The following USH1C variants were observed in gnomAD, a reference collection of about 807,000 sequenced individuals.
The protein encoded by USH1C is USH1 protein network component harmonin.
Under a neutral mutation model 119.3 loss-of-function variants are expected in USH1C, and 90 were observed. The ratio of observed to expected loss-of-function variants is 0.75; its 90% confidence interval spans 0.64 to 0.90. USH1C has a LOEUF of 0.90. Among genes scored for constraint, USH1C ranks in the 40% least tolerant of loss-of-function variants. The pLI, the probability that USH1C is intolerant of heterozygous loss-of-function variation, is 0.00. For synonymous variants in USH1C, 465 were observed against 443.3 expected (o/e 1.05, Z -0.62); for missense variants, 1,165 against 1,167.7 (o/e 1.00, Z 0.03).
At chr11:17,501,220 G>A (rs1849430729) in intron 22 of USH1C, 70 bp from the exon 23 acceptor site, 1 of 1,307,092 alleles carries the variant, frequency 7.7e-7, no homozygotes, top group Non-Finnish European at 1.1e-6. Flanking sequence ...GCACCAAGGA[G>A]TCTCTTGACA....
At position 17,544,266 on chromosome 11, in the gene USH1C, T is replaced by A. The variant is rs1387444089; in HGVS notation, c.36+6A>T. On this transcript the variant is annotated splice_donor_region_variant and intron_variant, in intron 1 of 26. Coordinates refer to ENST00000005226, the MANE Select transcript of USH1C (RefSeq NM_153676.4). ...CCAGAAGCCTGGGGCGCCCTGCAGC[T>A]CTGACCTTATGCCGGAATTCTCGGG... 1 of 1,613,968 alleles carries A rather than the reference T, an allele frequency of 6.2e-7. No individual in the cohort carries two copies.
chr11:17,494,346 G>T lies in USH1C; in HGVS notation c.2686C>A (p.Gln896Lys). 2 of 1,607,558 alleles carry T rather than the reference G, an allele frequency of 1.2e-6. No individual in the cohort carries two copies. The highest frequency in any genetic ancestry group is 1.7e-4 in the Middle Eastern group (1 of 6,026). ...CTCACTGTTTCCTAACGGTGAATTT[G>T]GTTTCCCCTTTTGGACTTCAGAAGA... ...DLLLKSKRGN[Q>K]IHR Residue 896 changes from glutamine to lysine, a missense_variant, in exon 27 of 27, where the codon CAA becomes AAA. Physicochemically the swap from Gln to Lys is moderately conservative, Grantham distance 53. Transcript: ENST00000005226.
intron 4 of USH1C, among the ~76,000 whole-genome samples, chr11:17,528,074 G>A (rs975403124): frequency 5.3e-5 from 8 of 152,146 alleles, no homozygotes; most frequent in African/African-American, 1.9e-4. Context: ...TGTTTTCCTC[G>A]TCTGTAAAAT....
chr11:17,494,048 A>T lies in USH1C; in HGVS notation c.*284T>A. On this transcript the variant is annotated 3_prime_UTR_variant, in exon 27 of 27. Transcript: ENST00000005226. ...AGGGTTCAAGGAAGGAGTCCCCCAG[A>T]GCTGGGAGAGACCAAATTCACTGGG... 2.0e-6 allele frequency: 1 copy of T among 508,582 alleles called. No homozygotes were observed. Among genetic ancestry groups the T allele is most frequent in the Non-Finnish European group, 3.6e-6 (1 of 279,400 alleles). 31.5% of individuals were successfully genotyped at this position (508,582 alleles called of 1,614,324 possible). A position where few individuals can be genotyped will look rare whatever the true frequency, so the allele number is the denominator to read the frequency against.
intron 11 of USH1C, 133 bp downstream of exon 11, chr11:17,523,078 A>G (rs1054583551): frequency 1.3e-6 from 2 of 1,575,094 alleles, no homozygotes; most frequent in Admixed American, 1.7e-5. Flanking sequence ...GCTGGGCAGA[A>G]GTCCTCTCGC....
At chr11:17,519,138 C>A (rs1370405775) in intron 14 of USH1C, among the ~76,000 whole-genome samples, 2 of 152,170 alleles carry the variant, frequency 1.3e-5, no homozygotes, top group Non-Finnish European at 1.5e-5. Context: ...TGGCTGGGGC[C>A]CAGGCCTGCT....
chr11:17,501,821 T>G (rs905630791), intron 21 of USH1C, 118 bp downstream of exon 21: 1 of 1,212,284 alleles, frequency 8.2e-7, no homozygotes, highest in African/African-American at 1.5e-5. Context: ...GGGGCTCCTC[T>G]GTGCCCCACC....
At chr11:17,516,102 G>T in intron 15 of USH1C, 139 bp downstream of exon 15, 3 of 938,484 alleles carry the variant, frequency 3.2e-6, no homozygotes, top group Admixed American at 4.0e-5. Context: ...CTGACACAAA[G>T]ATGGAGATGG....
At chr11:17,506,040 C>T (rs1164056646) in intron 18 of USH1C, 91 bp from the exon 19 acceptor site, 3 of 1,584,918 alleles carry the variant, frequency 1.9e-6, no homozygotes, top group Non-Finnish European at 1.7e-6. Flanking sequence ...CAAATCTACA[C>T]CCATGCATAT....
chr11:17,506,690 C>T (rs1252607693), intron 18 of USH1C, among the ~76,000 whole-genome samples: 1 of 152,232 alleles, frequency 6.6e-6, no homozygotes, highest in Non-Finnish European at 1.5e-5. Context: ...CGTGCTCTTC[C>T]TTCTTCCGCT....
rs762967319 is a variant in USH1C at position 17,526,454 on chromosome 11, T to G, written c.580-13A>C. ...TGCCTCGCACGCCCTGAAAGAGAGA[T>G]AGAAGCAGAATCACGGAGTGTCCAC... On this transcript the variant is annotated splice_polypyrimidine_tract_variant and intron_variant, in intron 7 of 26. Coordinates refer to ENST00000005226, the MANE Select transcript of USH1C (RefSeq NM_153676.4). 2 of 1,612,392 alleles carry G rather than the reference T, an allele frequency of 1.2e-6. No homozygotes were observed. The highest frequency in any genetic ancestry group is 1.7e-6 in the Non-Finnish European group (2 of 1,178,770).
intron 13 of USH1C, 63 bp from the exon 14 acceptor site, chr11:17,521,057 A>G: frequency 1.2e-6 from 2 of 1,606,826 alleles, no homozygotes; most frequent in South Asian, 1.1e-5. Flanking sequence ...TCTCCTGCAT[A>G]TCGGAGAGCC....
At chr11:17,500,655 C>T (rs963681629) in intron 23 of USH1C, among the ~76,000 whole-genome samples, 3 of 152,156 alleles carry the variant, frequency 2.0e-5, no homozygotes, top group African/African-American at 4.8e-5. Context: ...GCTCAGGGTT[C>T]GCCCCTCTGA....
chr11:17,500,729 T>C (rs1251085410), intron 23 of USH1C, among the ~76,000 whole-genome samples: 1 of 152,134 alleles, frequency 6.6e-6, no homozygotes, highest in Non-Finnish European at 1.5e-5. Flanking sequence ...TCCCATGGCT[T>C]CCCTCCACTC....
At chr11:17,510,346 C>G in intron 17 of USH1C, 59 bp downstream of exon 17, 1 of 1,421,846 alleles carries the variant, frequency 7.0e-7, no homozygotes, top group South Asian at 1.2e-5. Flanking sequence ...CCGCTGTCCC[C>G]ACAGTGGGTC....
chr11:17,537,347 C>T (rs577375300), intron 1 of USH1C, among the ~76,000 whole-genome samples: 11 of 152,306 alleles, frequency 7.2e-5, no homozygotes, highest in South Asian at 4.2e-4. Context: ...GCACTAGGCA[C>T]GCAGTAAATC....
chr11:17,531,575 C>T lies in USH1C; in HGVS notation c.105-33G>A, dbSNP rs764973502. ...GATGCCGGGAATGCCTGGAGCCTCA[C>T]CCCTGGCCATGACCTCAGGCACCCA... On this transcript the variant is annotated intron_variant, in intron 2 of 26. Coordinates refer to ENST00000005226, the MANE Select transcript of USH1C (RefSeq NM_153676.4). This position sits in a 1 kb window ranked among gnomAD's most constrained non-coding sequence, Gnocchi z 4.2. The T allele has an allele frequency of 6.2e-7, 1 of 1,610,124 alleles. No homozygotes were observed. Among genetic ancestry groups the T allele is most frequent in the Non-Finnish European group, 8.5e-7 (1 of 1,179,776 alleles).
intron 1 of USH1C, among the ~76,000 whole-genome samples, chr11:17,541,003 T>C (rs927955882): frequency 6.6e-6 from 1 of 152,208 alleles, no homozygotes; most frequent in Non-Finnish European, 1.5e-5. Flanking sequence ...ACTGTCCTAC[T>C]TGCTGTTCCA....
intron 1 of USH1C, among the ~76,000 whole-genome samples, chr11:17,538,609 C>T (rs912819960): frequency 1.3e-5 from 2 of 152,180 alleles, no homozygotes; most frequent in Non-Finnish European, 2.9e-5. Context: ...ATGCCTGGGA[C>T]ATTTCAAGGT....
Sources: gnomAD v4.1 joint callset for allele counts (sites outside exome capture counted in the v4.1 genomes callset) on GRCh38, gnomAD v4.1.1 for gene constraint, Gnocchi (gnomAD v3.1) non-coding constraint, MANE v1.5 for transcripts, NCBI Gene and HGNC (gene_info 2026-07-23, HGNC 2026-07-21) for gene names.